HAPLN1: variants seen among roughly 807,000 people sequenced by gnomAD.
The protein encoded by HAPLN1 is Cartilage link protein.
In HAPLN1, 13 loss-of-function variants were observed where a neutral mutation model predicts 36.5. The observed-to-expected ratio is 0.36, with a 90% CI of 0.23 to 0.57. The LOEUF is 0.57. Ranked by LOEUF, HAPLN1 falls within the 20% of genes least tolerant of loss-of-function variation. The probability of loss-of-function intolerance (pLI) is 0.83; values close to 1 mark genes in which losing one functional copy is unlikely to be tolerated. For synonymous variants in HAPLN1, 202 were observed against 169.8 expected, an observed-to-expected ratio of 1.19 and a Z score of -1.48; for missense variants, 407 against 439.7, an observed-to-expected ratio of 0.93 and a Z score of 0.66.
chr5:83,696,081 G>C (rs1316628877), intron 1 of HAPLN1, among the ~76,000 whole-genome samples: 2 of 152,052 alleles, frequency 1.3e-5, no homozygotes, highest in African/African-American at 4.8e-5. Context: ...AAAGTTGCTG[G>C]ATATATGATC....
intron 1 of HAPLN1, among the ~76,000 whole-genome samples, chr5:83,694,327 G>A (rs762412203): frequency 6.6e-6 from 1 of 151,904 alleles, no homozygotes; most frequent in Non-Finnish European, 1.5e-5. Flanking sequence ...CCCTAAACAC[G>A]TATTAGAGAA....
chr5:83,706,824 A>G (rs1421666748), intron 1 of HAPLN1, among the ~76,000 whole-genome samples: 2 of 152,252 alleles, frequency 1.3e-5, no homozygotes, highest in Non-Finnish European at 2.9e-5. Context: ...TTCTATGTCT[A>G]GAAAACCCTA....
At chr5:83,700,929 G>T (rs187214294) in intron 1 of HAPLN1, among the ~76,000 whole-genome samples, 77 of 152,192 alleles carry the variant, frequency 5.1e-4, no homozygotes, top group African/African-American at 1.6e-3. Context: ...CCTTATCTCT[G>T]GTGCACTAGC....
intron 1 of HAPLN1, among the ~76,000 whole-genome samples, chr5:83,695,692 A>G (rs1751378267): frequency 6.7e-6 from 1 of 149,104 alleles, no homozygotes; most frequent in Non-Finnish European, 1.5e-5. Context: ...ACATCTCAAT[A>G]GATACAGGAA....
chr5:83,715,823 G>A (rs2112642792), intron 1 of HAPLN1, among the ~76,000 whole-genome samples: 1 of 152,282 alleles, frequency 6.6e-6, no homozygotes, highest in East Asian at 1.9e-4. Flanking sequence ...AAAAATGCAT[G>A]CTCAAAATTT....
chr5:83,673,626 G>A (rs532212197), intron 1 of HAPLN1, 77 bp from the exon 2 acceptor site: 22 of 787,486 alleles, frequency 2.8e-5, no homozygotes, highest in South Asian at 7.6e-5. Flanking sequence ...ACTTATTACC[G>A]CCTTATCATC....
intron 2 of HAPLN1, among the ~76,000 whole-genome samples, chr5:83,662,125 A>C (rs1450765727): frequency 6.6e-6 from 1 of 151,362 alleles, no homozygotes; most frequent in Non-Finnish European, 1.5e-5. Flanking sequence ...CTGGTCTTGT[A>C]CTCCTGGCCT....
intron 3 of HAPLN1, among the ~76,000 whole-genome samples, chr5:83,649,484 T>C (rs995042065): frequency 1.3e-5 from 2 of 152,208 alleles, no homozygotes; most frequent in African/African-American, 4.8e-5. Context: ...AGTCTCGCTC[T>C]GTCACCCAGG....
Position 83,638,890 on chromosome 5 carries a change from G to C in HAPLN1, c.*2606C>G, listed in dbSNP as rs1363776645. 4 of 151,958 alleles carry C rather than the reference G, an allele frequency of 2.6e-5. No homozygotes were observed. Among genetic ancestry groups the C allele is most frequent in the African/African-American group, 9.7e-5 (4 of 41,390 alleles). 9.4% of individuals were successfully genotyped at this position (151,958 alleles called of 1,614,324 possible). ...TGGGTTTTCCAATGTAGATGTCTCA[G>C]TGAAATGTGCAGATATACTTTGTTC... On this transcript the variant is annotated 3_prime_UTR_variant, in exon 5 of 5. Transcript: ENST00000274341.
chr5:83,690,712 GA>G (rs914767107), intron 1 of HAPLN1, among the ~76,000 whole-genome samples: 8 of 151,538 alleles, frequency 5.3e-5, no homozygotes, highest in Non-Finnish European at 8.8e-5. Flanking sequence ...CTTCCTTAGG[GA>G]AAAAAATATC....
At chr5:83,686,688 C>A (rs1751136069) in intron 1 of HAPLN1, among the ~76,000 whole-genome samples, 2 of 152,074 alleles carry the variant, frequency 1.3e-5, no homozygotes, top group African/African-American at 4.8e-5. Context: ...ACTGTATAGC[C>A]CCCAGCACCT....
chr5:83,646,115 C>G (rs1282251579), intron 3 of HAPLN1, among the ~76,000 whole-genome samples: 1 of 152,190 alleles, frequency 6.6e-6, no homozygotes, highest in Non-Finnish European at 1.5e-5. Flanking sequence ...ACACTCTGCC[C>G]ATTTTCTTTA....
chr5:83,692,872 A>G (rs758060588), intron 1 of HAPLN1, among the ~76,000 whole-genome samples: 42 of 151,860 alleles, frequency 2.8e-4, no homozygotes, highest in Non-Finnish European at 5.0e-4. Context: ...GGGTAATAGA[A>G]ATATGTCATT....
intron 1 of HAPLN1, among the ~76,000 whole-genome samples, chr5:83,717,832 T>C (rs1408243716): frequency 6.6e-6 from 1 of 152,190 alleles, no homozygotes; most frequent in African/African-American, 2.4e-5. Context: ...TAATTATTAG[T>C]GTTTGAGAGC....
At chr5:83,673,847 G>T in intron 1 of HAPLN1, 1 of 257,126 alleles carries the variant, frequency 3.9e-6, no homozygotes, top group Non-Finnish European at 7.3e-6. Context: ...GTAACAAAGA[G>T]ATGTGGCAAA....
intron 1 of HAPLN1, among the ~76,000 whole-genome samples, chr5:83,698,572 C>A (rs1170056204): frequency 6.6e-6 from 1 of 152,108 alleles, no homozygotes; most frequent in African/African-American, 2.4e-5. Context: ...AAGAAATCCA[C>A]CTATAGTTCC....
At chr5:83,648,240 A>G (rs568252836) in intron 3 of HAPLN1, among the ~76,000 whole-genome samples, 1 of 151,098 alleles carries the variant, frequency 6.6e-6, no homozygotes, top group Admixed American at 6.6e-5. Flanking sequence ...TTCCATATCT[A>G]ATTCCAACTC....
At chr5:83,692,936 C>A (rs938135579) in intron 1 of HAPLN1, among the ~76,000 whole-genome samples, 13 of 151,800 alleles carry the variant, frequency 8.6e-5, no homozygotes, top group Admixed American at 5.3e-4. Flanking sequence ...CCCTTATCTT[C>A]AAGGGATACA....
chr5:83,687,710 G>C (rs562072024), intron 1 of HAPLN1, among the ~76,000 whole-genome samples: 1 of 152,262 alleles, frequency 6.6e-6, no homozygotes, highest in African/African-American at 2.4e-5. Context: ...TGTTTTGCAA[G>C]TTATATCTGT....
Sources: gnomAD v4.1 joint callset for allele counts (sites outside exome capture counted in the v4.1 genomes callset) on GRCh38, gnomAD v4.1.1 for gene constraint, MANE v1.5 for transcripts, NCBI Gene and HGNC (gene_info 2026-07-23, HGNC 2026-07-21) for gene names.